PCDH11X: variants seen among roughly 807,000 people sequenced by gnomAD.
The protein encoded by PCDH11X is protocadherin 11 X-linked.
Under a neutral mutation model 53.3 loss-of-function variants are expected in PCDH11X, and 18 were observed. The ratio of observed to expected loss-of-function variants is 0.34; its 90% CI spans 0.23 to 0.50. The LOEUF is 0.50. PCDH11X is among the 20% of genes least tolerant of loss of function. The probability of loss-of-function intolerance (pLI) is 0.98; values close to 1 mark genes in which losing one functional copy is unlikely to be tolerated. For missense variants in PCDH11X, 570 were observed against 1,032.4 expected, an observed-to-expected ratio of 0.55 and a Z score of 6.14; for synonymous variants, 279 against 393.3, an observed-to-expected ratio of 0.71 and a Z score of 3.44.
At chrX:91,837,361 A>G (rs1937340632) in intron 5 of PCDH11X, among the ~76,000 whole-genome samples, 1 of 111,826 alleles carries the variant, frequency 8.9e-6, no homozygotes, top group African/African-American at 3.2e-5. Flanking sequence ...TACAACCACT[A>G]AGGAGAACAG....
rs141859920 is a variant in PCDH11X at position 91,876,840 on chromosome X, A to G, written c.600A>G (p.Gln200=). ...CACCAGAAGGAGACAAGATGCCACAACTGATTGTTCAAAAGGAGTTAGATA... is the reference window on the plus strand; with the variant it reads ...CACCAGAAGGAGACAAGATGCCACAGCTGATTGTTCAAAAGGAGTTAGATA... The part of the protein sequence containing the change: ...IETPEGDKMP[Q]LIVQKELDRE... The change falls in exon 6 of 11, where the codon CAA becomes CAG. Residue 200 remains glutamine, a synonymous_variant. Coordinates refer to ENST00000682573, the MANE Select transcript of PCDH11X (RefSeq NM_032968.5). 110 of 1,208,092 alleles carry G rather than the reference A, an allele frequency of 9.1e-5. No homozygotes were observed. In the African/African-American group the frequency reaches 1.7e-3, roughly 18 times the overall value.
At chrX:91,974,435 T>C (rs760955220) in intron 6 of PCDH11X, among the ~76,000 whole-genome samples, 1 of 111,851 alleles carries the variant, frequency 8.9e-6, no homozygotes, top group Non-Finnish European at 1.9e-5. Context: ...AGGTAGAATA[T>C]GGAGCCCACA....
intron 6 of PCDH11X, among the ~76,000 whole-genome samples, chrX:91,906,447 A>G (rs1941157608): frequency 9.2e-6 from 1 of 109,111 alleles, no homozygotes; most frequent in Admixed American, 9.8e-5. Context: ...CAACGTCTAG[A>G]CCAGAGATTC....
In PCDH11X at chrX:91,798,551, T is replaced by C. The variant is rs752906467; in HGVS notation, c.-378-10915T>C. Among the ~76,000 whole-genome samples, 89 of 107,458 alleles carry C rather than the reference T, an allele frequency of 8.3e-4. 1 individual carries two copies. Among genetic ancestry groups the C allele is most frequent in the African/African-American group, 3.0e-3 (86 of 29,149 alleles). 93.3% of individuals were successfully genotyped at this position (107,458 alleles called of 115,157 possible). On this transcript the variant is annotated intron_variant, in intron 1 of 10. Transcript: ENST00000682573. Reference sequence around the variant, plus strand: ...TTGCAGTGAGCCGAGATTGTGCCACTGCACTCCAGCCTGGGCAACAAAGTA... The same window carrying C: ...TTGCAGTGAGCCGAGATTGTGCCACCGCACTCCAGCCTGGGCAACAAAGTA...
chrX:92,415,471 A>G (rs1378597238), intron 9 of PCDH11X, among the ~76,000 whole-genome samples: 2 of 111,719 alleles, frequency 1.8e-5, no homozygotes, highest in Non-Finnish European at 3.8e-5. Flanking sequence ...ATGCAATTAC[A>G]ATGCATCAAT....
intron 10 of PCDH11X, among the ~76,000 whole-genome samples, chrX:92,601,200 G>A (rs1223132691): frequency 9.2e-5 from 10 of 108,466 alleles, no homozygotes; most frequent in Non-Finnish European, 1.9e-4. Flanking sequence ...GTTTTGAAAT[G>A]TGAGGACATG....
At chrX:92,341,529 T>C (rs1004596156) in intron 8 of PCDH11X, among the ~76,000 whole-genome samples, 5 of 111,484 alleles carry the variant, frequency 4.5e-5, no homozygotes, top group Non-Finnish European at 9.4e-5. Flanking sequence ...TGTTCAGCTT[T>C]TGGGGAGCCC....
At chrX:91,944,293 T>G (rs2147860495) in intron 6 of PCDH11X, among the ~76,000 whole-genome samples, 1 of 100,274 alleles carries the variant, frequency 1.0e-5, no homozygotes, top group East Asian at 3.2e-4. Flanking sequence ...TGGGTACTGT[T>G]AGGTTTCATT....
At chrX:92,513,139 A>G (rs2074193351) in intron 10 of PCDH11X, among the ~76,000 whole-genome samples, 1 of 111,101 alleles carries the variant, frequency 9.0e-6, no homozygotes, top group African/African-American at 3.3e-5. Flanking sequence ...TATGCTTACT[A>G]TTGTTAAAAT....
chrX:92,559,245 A>G lies in PCDH11X; in HGVS notation c.3368-59019A>G, dbSNP rs2075094730. ...TTATGAAAACAGAATCATTTGCAGG[A>G]TTAAGAAAAAAGAATAAATAAAATG... On this transcript the variant is annotated intron_variant, in intron 10 of 10. Coordinates refer to ENST00000682573, the MANE Select transcript of PCDH11X (RefSeq NM_032968.5). Among the ~76,000 whole-genome samples the G allele has an allele frequency of 4.5e-5, 5 of 110,938 alleles. No individual in the cohort carries two copies. In the Middle Eastern group the frequency reaches 0.014, roughly 315 times the overall value.
intron 8 of PCDH11X, among the ~76,000 whole-genome samples, chrX:92,359,263 G>C (rs1284224294): frequency 9.2e-6 from 1 of 108,844 alleles, no homozygotes; most frequent in African/African-American, 3.3e-5. Context: ...AGTAAAATTT[G>C]GTATCTCATT....
chrX:92,059,773 C>G (rs1033921532), intron 6 of PCDH11X, among the ~76,000 whole-genome samples: 3 of 110,490 alleles, frequency 2.7e-5, no homozygotes, highest in African/African-American at 9.8e-5. Context: ...GAATTACAGT[C>G]CTGTAATTTA....
chrX:91,823,501 G>T (rs1357360897), intron 4 of PCDH11X, among the ~76,000 whole-genome samples: 2 of 110,995 alleles, frequency 1.8e-5, no homozygotes, highest in Non-Finnish European at 3.8e-5. Context: ...TGCAATCCCT[G>T]CCTTTTTTTG....
chrX:92,122,001 T>G (rs1465835957), intron 6 of PCDH11X, among the ~76,000 whole-genome samples: 1 of 102,969 alleles, frequency 9.7e-6, no homozygotes, highest in East Asian at 3.0e-4. Context: ...TTTTTTTTTT[T>G]GAAACAGAGT....
intron 6 of PCDH11X, among the ~76,000 whole-genome samples, chrX:91,929,715 T>G (rs1039696535): frequency 9.0e-6 from 1 of 111,453 alleles, no homozygotes; most frequent in African/African-American, 3.3e-5. Flanking sequence ...GAAATAAGAA[T>G]TAGCAAGTAT....
At chrX:92,104,179 A>C (rs2064324315) in intron 6 of PCDH11X, among the ~76,000 whole-genome samples, 1 of 111,216 alleles carries the variant, frequency 9.0e-6, no homozygotes, top group African/African-American at 3.3e-5. Context: ...TAGTCACGGA[A>C]TGAAACTGTA....
rs935447796 is a variant in PCDH11X, at chrX:92,105,028, T to C, written c.3034-96347T>C. 2.8e-5 allele frequency among the ~76,000 whole-genome samples: 3 copies of C among 106,735 alleles called. No individual in the cohort carries two copies. In the Admixed American group the frequency reaches 3.1e-4, roughly 11 times the overall value. The allele number at this position is 106,735 out of a possible 115,157, so 92.7% of individuals were successfully genotyped here. On this transcript the variant is annotated intron_variant, in intron 6 of 10. Coordinates refer to ENST00000682573, the MANE Select transcript of PCDH11X (RefSeq NM_032968.5). ...CCAAGTCAGGCATCCCTGCGTGGTC[T>C]GACATCCTTGAAACGTGAGTGTATA...
At chrX:92,604,484 A>G (rs1351180836) in intron 10 of PCDH11X, among the ~76,000 whole-genome samples, 10 of 111,126 alleles carry the variant, frequency 9.0e-5, no homozygotes, top group Non-Finnish European at 1.9e-4. Flanking sequence ...GAAAAATATC[A>G]TAAAAAGCAT....
chrX:92,024,679 G>T, intron 6 of PCDH11X, among the ~76,000 whole-genome samples: 1 of 54,495 alleles, frequency 1.8e-5, no homozygotes, highest in African/African-American at 6.6e-5. Flanking sequence ...ATTTCATATG[G>T]AACCAAAAAA....
Sources: allele counts gnomAD v4.1 joint callset (sites outside exome capture counted in the v4.1 genomes callset), GRCh38; gene constraint gnomAD v4.1.1; transcripts MANE v1.5; gene names NCBI Gene and HGNC (gene_info 2026-07-23, HGNC 2026-07-21).